Variants in JAKMIP2 observed in about 807,000 individuals in gnomAD.
The protein encoded by JAKMIP2 is janus kinase and microtubule-interacting protein 2.
A neutral mutation model predicts 115.0 loss-of-function variants in JAKMIP2; 25 were observed. That is an observed-to-expected ratio of 0.22 (90% CI 0.16 to 0.30). The LOEUF is 0.30. JAKMIP2 is among the 10% of genes least tolerant of loss of function. The pLI is 1.00. For synonymous variants in JAKMIP2, 334 were observed against 343.6 expected, an observed-to-expected ratio of 0.97 and a Z score of 0.31; for missense variants, 642 against 957.6, an observed-to-expected ratio of 0.67 and a Z score of 4.35.
chr5:147,733,083 T>G lies in JAKMIP2; in HGVS notation c.-149+49373A>C, dbSNP rs76835402. 1.4e-3 allele frequency among the ~76,000 whole-genome samples: 212 copies of G among 152,324 alleles called. 2 individuals carry two copies. The East Asian group carries it at 0.038, about 27-fold the overall frequency. ...TTTTCAATCCATTAAACTCTGAAAT[T>G]CTTAAGGAGAGAGATGGTATCAATC... On this transcript the variant is annotated intron_variant, in intron 1 of 21. Coordinates refer to ENST00000616793, the MANE Select transcript of JAKMIP2 (RefSeq NM_001270941.2).
rs190094756 is a variant in JAKMIP2 at position 147,632,627 on chromosome 5, G to C, written c.1776+53C>G. ...AGCGCCTAGCTCCTCAATGTGCTCTGTGCATGTTAATCATTACGATTATTT... is the reference window on the plus strand; with the variant it reads ...AGCGCCTAGCTCCTCAATGTGCTCTCTGCATGTTAATCATTACGATTATTT... On this transcript the variant is annotated intron_variant, in intron 13 of 21. Transcript: ENST00000616793. 5.6e-3 allele frequency: 6,410 copies of C among 1,149,766 alleles called. 147 individuals are homozygous for C. The highest frequency in any genetic ancestry group is 2.1e-3 in the Non-Finnish European group (1,598 of 766,454). 71.2% of individuals were successfully genotyped at this position (1,149,766 alleles called of 1,614,324 possible). A position where few individuals can be genotyped will look rare whatever the true frequency, so the allele number is the denominator to read the frequency against.
At chr5:147,701,283 A>G (rs1752316127) in intron 1 of JAKMIP2, among the ~76,000 whole-genome samples, 1 of 152,196 alleles carries the variant, frequency 6.6e-6, no homozygotes. Context: ...TGGAGACAGA[A>G]TATTTTAAAG....
At chr5:147,763,984 G>A (rs1379317902) in intron 1 of JAKMIP2, among the ~76,000 whole-genome samples, 1 of 152,128 alleles carries the variant, frequency 6.6e-6, no homozygotes, top group African/African-American at 2.4e-5. Flanking sequence ...TGGGGGAATG[G>A]AAAATACTTA....
intron 1 of JAKMIP2, among the ~76,000 whole-genome samples, chr5:147,770,347 G>A (rs926798522): frequency 6.6e-6 from 1 of 151,886 alleles, no homozygotes; most frequent in Non-Finnish European, 1.5e-5. Flanking sequence ...GGTTCTAAAT[G>A]GGTTTACATA....
Position 147,629,720 on chromosome 5 carries a change from C to T in JAKMIP2, c.1902G>A (p.Lys634=). The part of the protein sequence containing the change: ...VKDVNIPDLI[K]QLDILGDNGN... ...CATTATCACCCAAGATATCAAGCTG[C>T]TTTATGAGATCAGGGATGTTCACAT... Residue 634 remains lysine, a synonymous_variant, in exon 15 of 22, where the codon AAG becomes AAA. Transcript: ENST00000616793. 1 of 1,612,702 alleles carries T rather than the reference C, an allele frequency of 6.2e-7. No homozygotes were observed. The highest frequency in any genetic ancestry group is 8.5e-7 in the Non-Finnish European group (1 of 1,179,380).
In JAKMIP2 at chr5:147,588,103, G is replaced by C. The variant is rs1383655028; in HGVS notation, c.*3604C>G. The C allele has an allele frequency of 6.6e-6, 1 of 152,090 alleles. No homozygotes were observed. The highest frequency in any genetic ancestry group is 2.4e-5 in the African/African-American group (1 of 41,420). 9.4% of individuals were successfully genotyped at this position (152,090 alleles called of 1,614,324 possible). A position where few individuals can be genotyped will look rare whatever the true frequency, so the allele number is the denominator to read the frequency against. On this transcript the variant is annotated 3_prime_UTR_variant, in exon 22 of 22. Coordinates refer to ENST00000616793, the MANE Select transcript of JAKMIP2 (RefSeq NM_001270941.2). ...GTAGGGTGGCATTAAAGAAAAGTTT[G>C]ACATTCAATTTAGTAATAGATGCTT...
chr5:147,781,283 T>A (rs1224467699), intron 1 of JAKMIP2, among the ~76,000 whole-genome samples: 3 of 151,990 alleles, frequency 2.0e-5, no homozygotes, highest in Non-Finnish European at 4.4e-5. Context: ...TAATACAACA[T>A]CTGAGAGAAC....
chr5:147,607,867 A>G (rs977129127), intron 20 of JAKMIP2, among the ~76,000 whole-genome samples: 2 of 152,120 alleles, frequency 1.3e-5, no homozygotes, highest in African/African-American at 4.8e-5. Flanking sequence ...TTATTGGTCT[A>G]TTCAGGGATT....
intron 1 of JAKMIP2, among the ~76,000 whole-genome samples, chr5:147,766,147 G>A (rs986616419): frequency 1.7e-4 from 26 of 151,884 alleles, no homozygotes; most frequent in South Asian, 2.1e-4. Flanking sequence ...TCTCCCTCTC[G>A]GCCTCACTTC....
At chr5:147,660,364 C>T (rs2126778290) in intron 3 of JAKMIP2, 1 of 344,774 alleles carries the variant, frequency 2.9e-6, no homozygotes, top group South Asian at 2.3e-5. Flanking sequence ...ATTATAATGG[C>T]TCCTGTTTTA....
chr5:147,696,782 G>A (rs957728500), intron 1 of JAKMIP2, among the ~76,000 whole-genome samples: 1 of 152,194 alleles, frequency 6.6e-6, no homozygotes, highest in African/African-American at 2.4e-5. Context: ...TGAAATCCAG[G>A]CTGAGGTGGT....
intron 1 of JAKMIP2, among the ~76,000 whole-genome samples, chr5:147,693,215 C>T (rs1041347193): frequency 6.6e-6 from 1 of 152,196 alleles, no homozygotes; most frequent in African/African-American, 2.4e-5. Context: ...CAGCTCTTAT[C>T]TCTTACTAAC....
At chr5:147,776,950 T>C (rs908592037) in intron 1 of JAKMIP2, among the ~76,000 whole-genome samples, 1 of 151,790 alleles carries the variant, frequency 6.6e-6, no homozygotes, top group Non-Finnish European at 1.5e-5. Flanking sequence ...AATAATAAAT[T>C]AAAAATTAAA....
rs144578726 is a variant in JAKMIP2, at chr5:147,666,238, C to G, written c.130-4793G>C. On this transcript the variant is annotated intron_variant, in intron 2 of 21. Coordinates refer to ENST00000616793, the MANE Select transcript of JAKMIP2 (RefSeq NM_001270941.2). The stretch of plus-strand genomic sequence containing the variant: ...GGGGAAAAAGGCCAATAAAAATTTT[C>G]TGAAAATTATTTGCAGTGCAGATGG... Among the ~76,000 whole-genome samples, 235 of 152,110 alleles carry G rather than the reference C, an allele frequency of 1.5e-3. 6 individuals are homozygous for G. In the East Asian group the frequency reaches 0.04, roughly 26 times the overall value.
rs1754987889 is a variant in JAKMIP2 at position 147,588,836 on chromosome 5, A to G, written c.*2871T>C. 1 of 152,102 alleles carries G rather than the reference A, an allele frequency of 6.6e-6. No homozygotes were observed. Among genetic ancestry groups the G allele is most frequent in the African/African-American group, 2.4e-5 (1 of 41,418 alleles). 9.4% of individuals were successfully genotyped at this position (152,102 alleles called of 1,614,324 possible). On this transcript the variant is annotated 3_prime_UTR_variant, in exon 22 of 22. Transcript: ENST00000616793. ...CATACCACTTTTTCAAAAATTTTCA[A>G]TCATTTAGAAATAGTTACTCATGGA...
intron 3 of JAKMIP2, among the ~76,000 whole-genome samples, chr5:147,652,200 G>C (rs1349698838): frequency 6.6e-6 from 1 of 152,102 alleles, no homozygotes; most frequent in East Asian, 1.9e-4. Flanking sequence ...CTGAGGACCT[G>C]AAAGCTTAAA....
intron 1 of JAKMIP2, among the ~76,000 whole-genome samples, chr5:147,708,129 A>G (rs946369563): frequency 3.3e-5 from 5 of 152,232 alleles, no homozygotes; most frequent in African/African-American, 9.6e-5. Context: ...ATTTAAATAC[A>G]TATGGTGAAG....
At chr5:147,621,008 A>T (rs989623716) in intron 17 of JAKMIP2, among the ~76,000 whole-genome samples, 9 of 152,352 alleles carry the variant, frequency 5.9e-5, no homozygotes, top group African/African-American at 2.2e-4. Context: ...GCACGTGATT[A>T]AGTATAGATT....
rs182713531 is a variant in JAKMIP2 at position 147,616,125 on chromosome 5, C to T, written c.2346+1786G>A. The stretch of plus-strand genomic sequence containing the variant: ...GAGAGAAGAGAAGTAAGGATAAGAA[C>T]GCATCAGTTCACTCTTAAACATTCA... On this transcript the variant is annotated intron_variant, in intron 19 of 21. Transcript: ENST00000616793. Among the ~76,000 whole-genome samples the T allele has an allele frequency of 2.3e-3, 355 of 152,068 alleles. 5 individuals are homozygous for T. Among genetic ancestry groups the T allele is most frequent in the Non-Finnish European group, 1.6e-3 (109 of 67,988 alleles).
Sources: allele counts gnomAD v4.1 joint callset (sites outside exome capture counted in the v4.1 genomes callset), GRCh38; gene constraint gnomAD v4.1.1; transcripts MANE v1.5; gene names NCBI Gene and HGNC (gene_info 2026-07-23, HGNC 2026-07-21).